Variants in SLC44A5 observed in about 807,000 individuals in gnomAD.
SLC44A5 encodes the protein choline transporter-like protein 5.
A neutral mutation model predicts 101.8 loss-of-function variants in SLC44A5; 57 were observed. The observed-to-expected ratio is 0.56, with a 90% CI of 0.45 to 0.70. The LOEUF (loss-of-function observed/expected upper bound fraction) is 0.70, where lower values mean the gene tolerates loss of function less well. SLC44A5 is among the 30% of genes least tolerant of loss of function. The probability of loss-of-function intolerance (pLI) is 0.00; values close to 1 mark genes in which losing one functional copy is unlikely to be tolerated. For synonymous variants in SLC44A5, 281 were observed against 290.9 expected (o/e 0.97, Z 0.35); for missense variants, 737 against 853.1 (o/e 0.86, Z 1.70).
intron 2 of SLC44A5, among the ~76,000 whole-genome samples, chr1:75,469,379 G>A (rs1666982394): frequency 6.6e-6 from 1 of 152,108 alleles, no homozygotes; most frequent in Non-Finnish European, 1.5e-5. Context: ...GACATAATAA[G>A]CGTGAGCTGT....
At chr1:75,376,672 C>A (rs1660642784) in intron 3 of SLC44A5, among the ~76,000 whole-genome samples, 1 of 151,090 alleles carries the variant, frequency 6.6e-6, no homozygotes. Flanking sequence ...CACCAAAAAC[C>A]CATCTGTACA....
intron 4 of SLC44A5, among the ~76,000 whole-genome samples, chr1:75,326,086 C>T (rs903558146): frequency 8.0e-6 from 1 of 125,118 alleles, no homozygotes; most frequent in South Asian, 2.5e-4. Flanking sequence ...GTGATGTGCT[C>T]TCTCTCTCCG....
chr1:75,441,245 T>C (rs1557786412), intron 2 of SLC44A5, among the ~76,000 whole-genome samples: 1 of 152,130 alleles, frequency 6.6e-6, no homozygotes, highest in Non-Finnish European at 1.5e-5. Context: ...TGCAGGACAA[T>C]TATTCATTAG....
the SLC44A5 span, among the ~76,000 whole-genome samples, chr1:75,643,185 T>C: frequency 6.6e-6 from 1 of 152,134 alleles, no homozygotes; most frequent in African/African-American, 2.4e-5. Context: ...ATCTAGTAAC[T>C]TTACTTATAC....
At chr1:75,308,678 A>G (rs1469881178) in intron 4 of SLC44A5, among the ~76,000 whole-genome samples, 1 of 152,226 alleles carries the variant, frequency 6.6e-6, no homozygotes, top group East Asian at 1.9e-4. Context: ...TTGGGACATT[A>G]GTCCAAAGTC....
chr1:75,329,113 C>T (rs951822881), intron 4 of SLC44A5, among the ~76,000 whole-genome samples: 11 of 152,156 alleles, frequency 7.2e-5, no homozygotes, highest in South Asian at 2.1e-4. Flanking sequence ...TCGCATGTAC[C>T]CTTGAACCTA....
the SLC44A5 span, among the ~76,000 whole-genome samples, chr1:75,693,200 C>A: frequency 6.6e-6 from 1 of 152,108 alleles, no homozygotes; most frequent in Non-Finnish European, 1.5e-5. Context: ...GTCAGGAATT[C>A]TAGAGTTCTG....
the SLC44A5 span, among the ~76,000 whole-genome samples, chr1:75,679,876 T>A: frequency 1.3e-5 from 2 of 152,138 alleles, no homozygotes; most frequent in Non-Finnish European, 2.9e-5. Context: ...CCATCTCACG[T>A]GCAGAGACAC....
At chr1:75,615,730 G>T (rs905227373), upstream of SLC44A5, 6 of 523,828 alleles carry the variant, frequency 1.1e-5, no homozygotes, top group Non-Finnish European at 1.5e-5. Flanking sequence ...CCCCGGACAC[G>T]GCAAACTCTT....
intron 2 of SLC44A5, among the ~76,000 whole-genome samples, chr1:75,503,165 ATCT>A (rs1669060784): frequency 6.6e-6 from 1 of 151,962 alleles, no homozygotes; most frequent in African/African-American, 2.4e-5. Flanking sequence ...TCTTTCTCAA[ATCT>A]TCTCTCAAGT....
chr1:75,419,520 A>AT (rs35423724), intron 2 of SLC44A5, among the ~76,000 whole-genome samples: 14,852 of 151,886 alleles, frequency 0.098, 902 homozygotes, highest in Admixed American at 0.19. Context: ...GGAAAAAAAA[A>AT]CTTTCAAAAA....
chr1:75,608,175 AAAAACAAAAC>A (rs968022143), intron 1 of SLC44A5, among the ~76,000 whole-genome samples: 1 of 151,076 alleles, frequency 6.6e-6, no homozygotes, highest in African/African-American at 2.4e-5. Context: ...AGTCAATAGC[AAAAACAAAAC>A]AAAACAAAAC....
chr1:75,240,833 CCA>C (rs1218717986), intron 9 of SLC44A5, among the ~76,000 whole-genome samples: 1 of 151,876 alleles, frequency 6.6e-6, no homozygotes, highest in Non-Finnish European at 1.5e-5. Context: ...GTGAAATTTC[CCA>C]CAGTTTTGCC....
chr1:75,513,933 A>C lies in SLC44A5; in HGVS notation c.13+27502T>G, dbSNP rs538636944. Among the ~76,000 whole-genome samples, 3 of 152,312 alleles carry C rather than the reference A, an allele frequency of 2.0e-5. No homozygotes were observed. In the South Asian group the frequency reaches 6.2e-4, roughly 32 times the overall value. ...CTGCAGCCTTGAACTACTGGGCTCA[A>C]GCAATCCTCCTGCCTCAGCCTCCCA... On this transcript the variant is annotated intron_variant, in intron 2 of 23. Transcript: ENST00000370859.
chr1:75,420,964 A>T (rs1663965125), intron 2 of SLC44A5, among the ~76,000 whole-genome samples: 1 of 152,088 alleles, frequency 6.6e-6, no homozygotes, highest in Admixed American at 6.6e-5. Flanking sequence ...TAGAACACAG[A>T]TGTCACAAAA....
chr1:75,275,275 A>C (rs937328372), intron 5 of SLC44A5, among the ~76,000 whole-genome samples: 3 of 152,304 alleles, frequency 2.0e-5, no homozygotes, highest in Admixed American at 6.5e-5. Flanking sequence ...GTTGTAGCCA[A>C]AACATGAGGT....
intron 2 of SLC44A5, among the ~76,000 whole-genome samples, chr1:75,533,383 C>A (rs888400864): frequency 6.6e-6 from 1 of 152,082 alleles, no homozygotes; most frequent in Non-Finnish European, 1.5e-5. Context: ...TCCATGTTGT[C>A]CTTAAATAAT....
intron 2 of SLC44A5, among the ~76,000 whole-genome samples, chr1:75,500,146 T>C (rs1668878546): frequency 6.6e-6 from 1 of 152,198 alleles, no homozygotes. Flanking sequence ...AACCCAATAT[T>C]GCTATTATGT....
intron 5 of SLC44A5, among the ~76,000 whole-genome samples, chr1:75,289,980 T>C (rs908643263): frequency 3.9e-5 from 6 of 152,366 alleles, no homozygotes; most frequent in African/African-American, 1.4e-4. Flanking sequence ...AGCTGCTTAG[T>C]GAAGCCCCTT....
Sources: gnomAD v4.1 joint callset for allele counts (sites outside exome capture counted in the v4.1 genomes callset) on GRCh38, gnomAD v4.1.1 for gene constraint, MANE v1.5 for transcripts, NCBI Gene and HGNC (gene_info 2026-07-23, HGNC 2026-07-21) for gene names.